LNP1: variants seen among roughly 807,000 people sequenced by gnomAD.
LNP1 encodes the protein leukemia NUP98 fusion partner 1.
A neutral mutation model predicts 14.5 loss-of-function variants in LNP1; 12 were observed. The observed-to-expected ratio is 0.83, with a 90% CI of 0.53 to 1.34. The LOEUF (loss-of-function observed/expected upper bound fraction) is 1.34. Among genes scored for constraint, LNP1 ranks in the 40% most tolerant of loss-of-function variants. The pLI is 0.00. For missense variants in LNP1, 198 were observed against 210.9 expected (o/e 0.94, Z 0.38); for synonymous variants, 75 against 71.4 (o/e 1.05, Z -0.26).
At chr3:100,430,006 A>G in intron 2 of LNP1, 121 bp downstream of exon 2, 1 of 962,010 alleles carries the variant, frequency 1.0e-6, no homozygotes, top group Non-Finnish European at 1.5e-6. Flanking sequence ...AGTACTTCTG[A>G]GTCTTTCTCA....
At chr3:100,440,486 G>T (rs1707334752) in intron 2 of LNP1, among the ~76,000 whole-genome samples, 1 of 152,098 alleles carries the variant, frequency 6.6e-6, no homozygotes, top group Admixed American at 6.6e-5. Context: ...AGGGATGATA[G>T]TTCCTGTCTC....
At chr3:100,437,205 G>T (rs1361127627) in intron 2 of LNP1, among the ~76,000 whole-genome samples, 1 of 152,180 alleles carries the variant, frequency 6.6e-6, no homozygotes, top group African/African-American at 2.4e-5. Flanking sequence ...GTCATTTGGG[G>T]TTATGATCTC....
intron 1 of LNP1, among the ~76,000 whole-genome samples, chr3:100,414,587 C>T (rs185155095): frequency 2.1e-4 from 32 of 151,828 alleles, no homozygotes; most frequent in Middle Eastern, 3.4e-3. Flanking sequence ...GATGATCCTG[C>T]GTATACCTGA....
rs557593118 is a variant in LNP1 at position 100,422,803 on chromosome 3, C to CTTT, written c.-33-6869_-33-6867dup. Reference sequence around the variant, plus strand: ...GAAAACATACCTTGCTTTGTCTCCTCTTTTTTTTTTTTTTTTTTTTTTTTT... The same window carrying CTTT: ...GAAAACATACCTTGCTTTGTCTCCTCTTTTTTTTTTTTTTTTTTTTTTTTTTTT... On this transcript the variant is annotated intron_variant, in intron 1 of 3. Coordinates refer to ENST00000383693, the MANE Select transcript of LNP1 (RefSeq NM_001085451.2). Among the ~76,000 whole-genome samples, 26 of 69,072 alleles carry CTTT rather than the reference C, an allele frequency of 3.8e-4. 1 individual carries two copies. The highest frequency in any genetic ancestry group is 5.5e-4 in the East Asian group (1 of 1,818). 45.3% of individuals were successfully genotyped at this position (69,072 alleles called of 152,430 possible).
chr3:100,451,693 T>C, intron 2 of LNP1, 26 bp from the exon 3 acceptor site: 1 of 915,524 alleles, frequency 1.1e-6, no homozygotes, highest in Admixed American at 2.8e-5. Flanking sequence ...TTTTATACTG[T>C]AAATTTTTTC....
Position 100,455,860 on chromosome 3 carries a change from G to A in LNP1, c.471G>A (p.Arg157=). The change falls in exon 4 of 4, where the codon AGG becomes AGA. Residue 157 remains arginine, a synonymous_variant. Transcript: ENST00000383693. ...IKSRKKVEEE[R]SSRKEEHGEA... is the part of the protein sequence containing the mutation. ...CCCGAAAGAAAGTAGAGGAAGAAAG[G>A]AGCTCTAGGAAAGAAGAGCATGGAG... The A allele has an allele frequency of 6.2e-7, 1 of 1,613,920 alleles. No homozygotes were observed.
intron 2 of LNP1, among the ~76,000 whole-genome samples, chr3:100,432,318 C>G (rs1707250907): frequency 6.6e-6 from 1 of 151,728 alleles, no homozygotes; most frequent in Non-Finnish European, 1.5e-5. Context: ...AATGTAGTTT[C>G]TAATACATCT....
At chr3:100,410,611 G>A (rs1332436130) in intron 1 of LNP1, among the ~76,000 whole-genome samples, 1 of 152,160 alleles carries the variant, frequency 6.6e-6, no homozygotes, top group African/African-American at 2.4e-5. Flanking sequence ...GCCAGAACAT[G>A]GAGATTGGGT....
intron 1 of LNP1, among the ~76,000 whole-genome samples, chr3:100,424,312 T>G (rs1285235567): frequency 6.6e-6 from 1 of 152,184 alleles, no homozygotes; most frequent in African/African-American, 2.4e-5. Flanking sequence ...AGGCTCAGCA[T>G]ATAGTTGTAC....
intron 2 of LNP1, among the ~76,000 whole-genome samples, chr3:100,431,408 G>A (rs975659230): frequency 6.6e-6 from 1 of 152,044 alleles, no homozygotes; most frequent in Non-Finnish European, 1.5e-5. Flanking sequence ...TCCCTGCTTC[G>A]GGCATTTGCC....
intron 2 of LNP1, among the ~76,000 whole-genome samples, chr3:100,432,043 T>C (rs1261640816): frequency 2.6e-5 from 3 of 114,540 alleles, no homozygotes; most frequent in Non-Finnish European, 5.4e-5. Context: ...TATATATATA[T>C]ATATATATAT....
chr3:100,425,537 T>C lies in LNP1; in HGVS notation c.-33-4160T>C, dbSNP rs184392985. 2.1e-3 allele frequency among the ~76,000 whole-genome samples: 321 copies of C among 152,260 alleles called. 2 individuals carry two copies. The highest frequency in any genetic ancestry group is 7.3e-3 in the African/African-American group (303 of 41,546). Reference sequence around the variant, plus strand: ...AAAAACAGATCATTAATGCCCTCTTTCTCCTGCATCTCCCCAGGTGCCGGG... The same window carrying C: ...AAAAACAGATCATTAATGCCCTCTTCCTCCTGCATCTCCCCAGGTGCCGGG... On this transcript the variant is annotated intron_variant, in intron 1 of 3. Coordinates refer to ENST00000383693, the MANE Select transcript of LNP1 (RefSeq NM_001085451.2).
At chr3:100,431,939 G>T (rs926454760) in intron 2 of LNP1, among the ~76,000 whole-genome samples, 5 of 140,254 alleles carry the variant, frequency 3.6e-5, no homozygotes, top group African/African-American at 1.4e-4. Flanking sequence ...AGGCTGCAGT[G>T]AACGGTGAAC....
intron 1 of LNP1, among the ~76,000 whole-genome samples, chr3:100,410,392 G>T (rs571324002): frequency 1.3e-5 from 2 of 152,128 alleles, no homozygotes; most frequent in East Asian, 3.9e-4. Context: ...GAAACTGGAA[G>T]GTGATCTTTA....
chr3:100,431,934 G>C (rs1707245030), intron 2 of LNP1, among the ~76,000 whole-genome samples: 3 of 143,550 alleles, frequency 2.1e-5, no homozygotes. Flanking sequence ...GGTCGAGGCT[G>C]CAGTGAACGG....
At chr3:100,407,762 A>G (rs1177047346) in intron 1 of LNP1, among the ~76,000 whole-genome samples, 1 of 152,132 alleles carries the variant, frequency 6.6e-6, no homozygotes, top group African/African-American at 2.4e-5. Context: ...CATAAACCCT[A>G]TAAAGTTTCT....
intron 2 of LNP1, among the ~76,000 whole-genome samples, chr3:100,445,983 A>G (rs1707383616): frequency 6.6e-6 from 1 of 152,240 alleles, no homozygotes; most frequent in Non-Finnish European, 1.5e-5. Flanking sequence ...TTCCATGCTT[A>G]TGGATAGGAA....
intron 1 of LNP1, among the ~76,000 whole-genome samples, chr3:100,415,906 T>C (rs533387023): frequency 1.3e-5 from 2 of 152,296 alleles, no homozygotes; most frequent in South Asian, 4.1e-4. Flanking sequence ...CTATCAACAA[T>C]AGTTTACTTG....
intron 2 of LNP1, among the ~76,000 whole-genome samples, chr3:100,444,635 C>A (rs1707371906): frequency 6.6e-6 from 1 of 152,126 alleles, no homozygotes; most frequent in Admixed American, 6.6e-5. Context: ...AAAATAGGAT[C>A]ACAGGTCATT....
Sources: gnomAD v4.1 joint callset for allele counts (sites outside exome capture counted in the v4.1 genomes callset) on GRCh38, gnomAD v4.1.1 for gene constraint, MANE v1.5 for transcripts, NCBI Gene and HGNC (gene_info 2026-07-23, HGNC 2026-07-21) for gene names.